Variants in CPED1 observed in about 807,000 individuals in gnomAD.
CPED1 encodes cadherin-like and PC-esterase domain-containing protein 1.
A neutral mutation model predicts 128.2 loss-of-function variants in CPED1; 114 were observed. The observed-to-expected ratio is 0.89, with a 90% confidence interval of 0.76 to 1.04. CPED1 has a LOEUF of 1.04. Among genes scored for constraint, CPED1 ranks in the 50% least tolerant of loss-of-function variants. The pLI is 0.00. For missense variants in CPED1, 1,211 were observed against 1,207.1 expected, an observed-to-expected ratio of 1.00 and a Z score of -0.05; for synonymous variants, 462 against 426.7, an observed-to-expected ratio of 1.08 and a Z score of -1.02.
chr7:121,092,253 A>C (rs150080854), intron 5 of CPED1, among the ~76,000 whole-genome samples: 3 of 152,168 alleles, frequency 2.0e-5, no homozygotes, highest in Non-Finnish European at 4.4e-5. Flanking sequence ...GAGAAAACCA[A>C]TCCCCACCCA....
chr7:121,062,164 G>A (rs1296408670), intron 4 of CPED1, among the ~76,000 whole-genome samples: 4 of 152,158 alleles, frequency 2.6e-5, no homozygotes, highest in Admixed American at 6.5e-5. Context: ...GTTAGCAATG[G>A]ATCAGAGTCA....
At chr7:121,167,725 A>ATTTT (rs10588976) in intron 16 of CPED1, among the ~76,000 whole-genome samples, 7 of 99,234 alleles carry the variant, frequency 7.1e-5, no homozygotes, top group African/African-American at 8.4e-5. Context: ...TTTAAAGTCT[A>ATTTT]TTTTTTTTTT....
intron 11 of CPED1, 80 bp from the exon 12 acceptor site, chr7:121,130,045 G>A: frequency 1.8e-6 from 2 of 1,101,806 alleles, no homozygotes; most frequent in Non-Finnish European, 2.6e-6. Context: ...TTAAATAAAT[G>A]ACTAAGTATA....
At chr7:121,116,959 TC>T (rs1795251351) in intron 7 of CPED1, among the ~76,000 whole-genome samples, 1 of 81,080 alleles carries the variant, frequency 1.2e-5, no homozygotes, top group Admixed American at 1.6e-4. Context: ...TCTCTCTCTC[TC>T]TCTATATATA....
At chr7:121,181,890 A>G (rs143873832) in intron 16 of CPED1, among the ~76,000 whole-genome samples, 19 of 152,252 alleles carry the variant, frequency 1.2e-4, no homozygotes, top group African/African-American at 4.1e-4. Context: ...ATGCATATTA[A>G]TTGGGCATAT....
In CPED1 at chr7:120,989,845, C is replaced by A; in HGVS notation, c.224C>A (p.Ser75Tyr). 2 of 1,614,130 alleles carry A rather than the reference C, an allele frequency of 1.2e-6. No individual in the cohort carries two copies. The highest frequency in any genetic ancestry group is 1.7e-6 in the Non-Finnish European group (2 of 1,180,034). The stretch of plus-strand genomic sequence containing the variant: ...CAGGACAAACAGTGCTTCCTTCTCT[C>A]TGGTAATGCCCAGGAAACCAGAAAG... ...FSQDKQCFLL[S>Y]GNAQETRKVK... The change falls in exon 2 of 23, where the codon TCT becomes TAT. Residue 75 changes from serine (S) to tyrosine (Y), a missense_variant. Ser to Tyr is a moderately radical substitution (Grantham distance 144). Coordinates refer to ENST00000310396, the MANE Select transcript of CPED1 (RefSeq NM_024913.5).
At chr7:121,229,215 T>A (rs541455255) in intron 16 of CPED1, among the ~76,000 whole-genome samples, 1 of 152,134 alleles carries the variant, frequency 6.6e-6, no homozygotes, top group South Asian at 2.1e-4. Flanking sequence ...ATTTTTAAAA[T>A]AGATTTGTTA....
At chr7:121,005,328 T>C (rs537887889) in intron 2 of CPED1, among the ~76,000 whole-genome samples, 2 of 152,320 alleles carry the variant, frequency 1.3e-5, no homozygotes, top group South Asian at 4.1e-4. Context: ...CCAGTCTATC[T>C]TTGATGGGCA....
At chr7:121,081,974 A>G (rs549960248) in intron 5 of CPED1, among the ~76,000 whole-genome samples, 1 of 152,234 alleles carries the variant, frequency 6.6e-6, no homozygotes, top group African/African-American at 2.4e-5. Context: ...TGCCCCACCT[A>G]TTTCTGAGCA....
intron 9 of CPED1, among the ~76,000 whole-genome samples, chr7:121,126,567 A>G (rs1480399718): frequency 6.6e-6 from 1 of 152,142 alleles, no homozygotes; most frequent in Non-Finnish European, 1.5e-5. Context: ...AATTATGTAT[A>G]ACTAGAATAT....
intron 18 of CPED1, among the ~76,000 whole-genome samples, chr7:121,252,293 C>T (rs1798691407): frequency 6.6e-6 from 1 of 152,078 alleles, no homozygotes; most frequent in African/African-American, 2.4e-5. Flanking sequence ...CCCTTCCTTA[C>T]CCCTTATACA....
intron 16 of CPED1, among the ~76,000 whole-genome samples, chr7:121,151,753 A>G (rs188319587): frequency 2.0e-4 from 30 of 152,376 alleles, no homozygotes; most frequent in Admixed American, 1.9e-3. Context: ...TGTTCTCATT[A>G]GTCAAAGCCA....
chr7:121,220,887 A>C (rs562664089), intron 16 of CPED1, among the ~76,000 whole-genome samples: 226 of 152,150 alleles, frequency 1.5e-3, no homozygotes, highest in African/African-American at 5.3e-3. Flanking sequence ...AAATAAGATC[A>C]TGGTATACAT....
chr7:121,132,876 C>T (rs1326328252), intron 12 of CPED1, among the ~76,000 whole-genome samples: 1 of 151,950 alleles, frequency 6.6e-6, no homozygotes, highest in Non-Finnish European at 1.5e-5. Context: ...AATAAAACTG[C>T]AAAAAATTAT....
chr7:121,158,812 G>T (rs182112655), intron 16 of CPED1, among the ~76,000 whole-genome samples: 61 of 152,084 alleles, frequency 4.0e-4, no homozygotes, highest in Non-Finnish European at 7.9e-4. Context: ...CTTCTTCCAA[G>T]AACTTATTTC....
At chr7:121,011,403 T>C (rs1310894550) in intron 2 of CPED1, among the ~76,000 whole-genome samples, 1 of 152,238 alleles carries the variant, frequency 6.6e-6, no homozygotes, top group Non-Finnish European at 1.5e-5. Flanking sequence ...TCTATATTTG[T>C]CATTCTTGCT....
intron 5 of CPED1, among the ~76,000 whole-genome samples, chr7:121,082,137 T>C (rs1392368184): frequency 6.6e-6 from 1 of 152,202 alleles, no homozygotes; most frequent in African/African-American, 2.4e-5. Context: ...CATGCAACTT[T>C]GGGAAAAGTC....
intron 3 of CPED1, among the ~76,000 whole-genome samples, chr7:121,042,100 G>T (rs552847637): frequency 6.0e-4 from 88 of 146,586 alleles, no homozygotes; most frequent in Middle Eastern, 3.4e-3. Context: ...TGGTTTCTCC[G>T]CAACAGGGAA....
chr7:121,012,200 C>T (rs1792176856), intron 2 of CPED1, among the ~76,000 whole-genome samples: 1 of 152,302 alleles, frequency 6.6e-6, no homozygotes, highest in South Asian at 2.1e-4. Context: ...AACATTCTGT[C>T]CTTTGCTTTA....
Sources: gnomAD v4.1 joint callset for allele counts (sites outside exome capture counted in the v4.1 genomes callset) on GRCh38, gnomAD v4.1.1 for gene constraint, MANE v1.5 for transcripts, NCBI Gene and HGNC (gene_info 2026-07-23, HGNC 2026-07-21) for gene names.